Variants in RSRC1 observed in about 807,000 individuals in gnomAD.
RSRC1 encodes serine/Arginine-related protein 53.
A neutral mutation model predicts 49.1 loss-of-function variants in RSRC1; 39 were observed. The ratio of observed to expected loss-of-function variants is 0.79; its 90% CI spans 0.61 to 1.04. The LOEUF (loss-of-function observed/expected upper bound fraction) is 1.04, where lower values mean the gene tolerates loss of function less well. Among genes scored for constraint, RSRC1 ranks in the 50% least tolerant of loss-of-function variants. The pLI is 0.00. For missense variants in RSRC1, 388 were observed against 402.4 expected (o/e 0.96, Z 0.31); for synonymous variants, 143 against 130.8 (o/e 1.09, Z -0.63).
At position 158,140,436 on chromosome 3, in the gene RSRC1, A is replaced by T. The variant is rs1219002611; in HGVS notation, c.320+16445A>T. The stretch of plus-strand genomic sequence containing the variant: ...CACTCTGCTAATGGCCACTATTACC[A>T]TTGGCCTTTCTGACTGTAACAGCAC... On this transcript the variant is annotated intron_variant, in intron 3 of 9. Transcript: ENST00000611884. Among the ~76,000 whole-genome samples, 3 of 152,120 alleles carry T rather than the reference A, an allele frequency of 2.0e-5. No individual in the cohort carries two copies. In the East Asian group the frequency reaches 5.8e-4, roughly 29 times the overall value.
intron 4 of RSRC1, among the ~76,000 whole-genome samples, chr3:158,209,487 G>A (rs1040124536): frequency 6.6e-6 from 1 of 152,042 alleles, no homozygotes; most frequent in African/African-American, 2.4e-5. Flanking sequence ...AGCACAGAAT[G>A]CACCAAGACA....
intron 7 of RSRC1, among the ~76,000 whole-genome samples, chr3:158,517,845 C>A (rs1224593967): frequency 7.3e-6 from 1 of 137,446 alleles, no homozygotes; most frequent in African/African-American, 2.7e-5. Context: ...CTCAGGCAGT[C>A]CTCCTGCCTC....
intron 7 of RSRC1, among the ~76,000 whole-genome samples, chr3:158,466,814 C>T (rs1737910682): frequency 6.6e-6 from 1 of 152,172 alleles, no homozygotes; most frequent in African/African-American, 2.4e-5. Flanking sequence ...GTAATCCCAG[C>T]ACTTTGGAAG....
intron 4 of RSRC1, among the ~76,000 whole-genome samples, chr3:158,285,320 G>A (rs1057058218): frequency 6.6e-6 from 1 of 152,196 alleles, no homozygotes; most frequent in African/African-American, 2.4e-5. Context: ...TTTGAAGTCA[G>A]GTAGCGTGAT....
At chr3:158,516,182 A>C (rs1399519381) in intron 7 of RSRC1, among the ~76,000 whole-genome samples, 1 of 152,110 alleles carries the variant, frequency 6.6e-6, no homozygotes, top group East Asian at 1.9e-4. Flanking sequence ...CTCGCTTTTT[A>C]GAGTTTCCAG....
At chr3:158,116,949 T>C (rs1307889807) in intron 1 of RSRC1, among the ~76,000 whole-genome samples, 2 of 152,190 alleles carry the variant, frequency 1.3e-5, no homozygotes, top group East Asian at 1.9e-4. Flanking sequence ...ACTCTTCTTT[T>C]CATGGAGCAC....
chr3:158,528,975 GT>G (rs916324803), intron 7 of RSRC1, among the ~76,000 whole-genome samples: 16 of 151,860 alleles, frequency 1.1e-4, no homozygotes, highest in African/African-American at 3.6e-4. Flanking sequence ...GCAGCTTAAA[GT>G]GACAATTTCC....
intron 4 of RSRC1, among the ~76,000 whole-genome samples, chr3:158,236,214 A>G (rs1723242734): frequency 6.6e-6 from 1 of 152,090 alleles, no homozygotes; most frequent in South Asian, 2.1e-4. Flanking sequence ...TGTTAATATA[A>G]TTAATTGTAG....
chr3:158,397,884 T>G (rs762940741), intron 6 of RSRC1, among the ~76,000 whole-genome samples: 14 of 152,158 alleles, frequency 9.2e-5, no homozygotes, highest in Non-Finnish European at 1.9e-4. Context: ...ATAGAAAAGT[T>G]AGGTTAATAT....
intron 7 of RSRC1, among the ~76,000 whole-genome samples, chr3:158,497,995 G>C (rs905004493): frequency 1.3e-5 from 2 of 152,048 alleles, no homozygotes; most frequent in Admixed American, 1.3e-4. Flanking sequence ...TTGGTTTCAC[G>C]ATTTGCACTT....
chr3:158,527,552 T>A (rs1712117023), intron 7 of RSRC1, among the ~76,000 whole-genome samples: 1 of 151,928 alleles, frequency 6.6e-6, no homozygotes, highest in African/African-American at 2.4e-5. Flanking sequence ...AACCAATACA[T>A]CCACTTTGTA....
intron 3 of RSRC1, among the ~76,000 whole-genome samples, chr3:158,143,985 A>G (rs1408251395): frequency 1.3e-5 from 2 of 152,182 alleles, no homozygotes; most frequent in African/African-American, 4.8e-5. Context: ...ATTTCCTGGT[A>G]TTGTTTTTAA....
chr3:158,473,974 T>C (rs955671587), intron 7 of RSRC1, among the ~76,000 whole-genome samples: 12 of 152,216 alleles, frequency 7.9e-5, no homozygotes, highest in Non-Finnish European at 1.8e-4. Flanking sequence ...CTATAGTTAA[T>C]GTAAATTTAC....
chr3:158,302,108 A>G (rs575757626), intron 5 of RSRC1, among the ~76,000 whole-genome samples: 2 of 145,060 alleles, frequency 1.4e-5, no homozygotes, highest in Non-Finnish European at 3.0e-5. Flanking sequence ...GTGTATCATT[A>G]TATTTATTGT....
In RSRC1 at chr3:158,254,501, G is replaced by A. The variant is rs193170457; in HGVS notation, c.495-43538G>A. ...GGCTGGAGTGCAGTGGTGCGATCTC[G>A]GTGCACTGCAAGCCCTGCCTCCTGG... On this transcript the variant is annotated intron_variant, in intron 4 of 9. Coordinates refer to ENST00000611884, the MANE Select transcript of RSRC1 (RefSeq NM_001271838.2). Among the ~76,000 whole-genome samples the A allele has an allele frequency of 7.2e-3, 1,089 of 151,822 alleles. 8 individuals are homozygous for A. The highest frequency in any genetic ancestry group is 0.045 in the South Asian group (217 of 4,798).
chr3:158,438,972 A>C (rs1433566433), intron 6 of RSRC1, among the ~76,000 whole-genome samples: 1 of 152,150 alleles, frequency 6.6e-6, no homozygotes, highest in Non-Finnish European at 1.5e-5. Context: ...AATTTATAAG[A>C]AAAAAACAAC....
At chr3:158,522,759 C>T (rs1229522386) in intron 7 of RSRC1, among the ~76,000 whole-genome samples, 1 of 151,878 alleles carries the variant, frequency 6.6e-6, no homozygotes, top group African/African-American at 2.4e-5. Flanking sequence ...TAGAATTTTC[C>T]CTCATGGTTC....
chr3:158,176,399 C>G (rs1192520120), intron 3 of RSRC1, among the ~76,000 whole-genome samples: 4 of 152,198 alleles, frequency 2.6e-5, no homozygotes, highest in African/African-American at 9.7e-5. Context: ...TGACTTCAAA[C>G]TATACTACAA....
chr3:158,433,855 TAA>T (rs1735902939), intron 6 of RSRC1, among the ~76,000 whole-genome samples: 1 of 152,026 alleles, frequency 6.6e-6, no homozygotes, highest in African/African-American at 2.4e-5. Flanking sequence ...TAATATCTGC[TAA>T]GATTATTCAA....
Sources: allele counts gnomAD v4.1 joint callset (sites outside exome capture counted in the v4.1 genomes callset), GRCh38; gene constraint gnomAD v4.1.1; transcripts MANE v1.5; gene names NCBI Gene and HGNC (gene_info 2026-07-23, HGNC 2026-07-21).